The following FBXW8 variants were observed in gnomAD, a reference collection of about 807,000 sequenced individuals.
FBXW8 encodes F-box/WD repeat-containing protein 8.
A neutral mutation model predicts 65.3 loss-of-function variants in FBXW8; 57 were observed. That is an observed-to-expected ratio of 0.87 (90% CI 0.71 to 1.09). The LOEUF is 1.09. FBXW8 is among the 50% of genes least tolerant of loss of function. FBXW8 has a pLI of 0.00. For missense variants in FBXW8, 777 were observed against 814.8 expected, an observed-to-expected ratio of 0.95 and a Z score of 0.57; for synonymous variants, 308 against 330.2, an observed-to-expected ratio of 0.93 and a Z score of 0.73.
Position 116,992,761 on chromosome 12 carries a change from GGTGTGTGTGTGT to G in FBXW8, c.1239+3917_1239+3928del, listed in dbSNP as rs59119067. ...TTTTTATGGTTGAGTATTATTCCATGGTGTGTGTGTGTGTGTGTGTGTGTGTGTGTGTGTGTA... is the reference window on the plus strand; with the variant it reads ...TTTTTATGGTTGAGTATTATTCCATGGTGTGTGTGTGTGTGTGTGTGTGTA... On this transcript the variant is annotated intron_variant, in intron 7 of 10. Transcript: ENST00000652555. 1.3e-4 allele frequency among the ~76,000 whole-genome samples: 19 copies of G among 143,644 alleles called. No homozygotes were observed. The East Asian group carries it at 3.1e-3, about 23-fold the overall frequency. 94.2% of individuals were successfully genotyped at this position (143,644 alleles called of 152,430 possible).
At chr12:117,025,129 C>T (rs1474800599) in intron 9 of FBXW8, among the ~76,000 whole-genome samples, 3 of 152,194 alleles carry the variant, frequency 2.0e-5, no homozygotes, top group South Asian at 2.1e-4. Context: ...GGAGACCCTG[C>T]GTTTGAGACA....
chr12:116,970,115 C>T (rs2137402270), intron 5 of FBXW8, among the ~76,000 whole-genome samples: 1 of 152,332 alleles, frequency 6.6e-6, no homozygotes, highest in Non-Finnish European at 1.5e-5. Context: ...TGCTTGCCTG[C>T]CTTTGGCCTC....
intron 2 of FBXW8, among the ~76,000 whole-genome samples, chr12:116,942,215 G>A (rs1882619478): frequency 1.3e-5 from 2 of 150,378 alleles, no homozygotes; most frequent in African/African-American, 4.9e-5. Flanking sequence ...TTTTTGTAGA[G>A]ATGGGGTCTC....
intron 5 of FBXW8, among the ~76,000 whole-genome samples, chr12:116,965,909 C>T (rs1337867545): frequency 6.7e-6 from 1 of 149,614 alleles, no homozygotes; most frequent in Non-Finnish European, 1.5e-5. Context: ...CAGGCGCATG[C>T]CACCATGCCC....
intron 5 of FBXW8, among the ~76,000 whole-genome samples, chr12:116,969,915 C>T (rs1457287338): frequency 6.6e-6 from 1 of 152,054 alleles, no homozygotes; most frequent in Non-Finnish European, 1.5e-5. Context: ...GCCTTGTTTC[C>T]GATTGTCAGC....
intron 4 of FBXW8, among the ~76,000 whole-genome samples, chr12:116,955,024 C>G (rs1592884599): frequency 7.3e-6 from 1 of 136,812 alleles, no homozygotes; most frequent in Non-Finnish European, 1.6e-5. Flanking sequence ...TGTTGACTTT[C>G]CCCTCTTGAA....
chr12:116,948,357 C>T (rs1177884911), intron 3 of FBXW8, among the ~76,000 whole-genome samples: 1 of 152,190 alleles, frequency 6.6e-6, no homozygotes, highest in Non-Finnish European at 1.5e-5. Flanking sequence ...CCCATATCTC[C>T]ACTTGTAGGA....
At chr12:116,949,392 G>T (rs999964308) in intron 3 of FBXW8, 19 of 550,832 alleles carry the variant, frequency 3.4e-5, no homozygotes, top group African/African-American at 7.5e-5. Flanking sequence ...CACACGTCCT[G>T]TGTCCTCGAG....
At chr12:117,012,339 A>G (rs998367471) in intron 8 of FBXW8, among the ~76,000 whole-genome samples, 1 of 152,020 alleles carries the variant, frequency 6.6e-6, no homozygotes, top group African/African-American at 2.4e-5. Flanking sequence ...CAGACTAGTG[A>G]CTTAGAGTTG....
intron 7 of FBXW8, among the ~76,000 whole-genome samples, chr12:116,993,450 T>A (rs1953302440): frequency 6.6e-6 from 1 of 152,166 alleles, no homozygotes; most frequent in Non-Finnish European, 1.5e-5. Flanking sequence ...TAAGGTGGTA[T>A]CTTATTGTGG....
At chr12:116,975,776 A>G (rs938374668) in intron 5 of FBXW8, among the ~76,000 whole-genome samples, 6 of 152,228 alleles carry the variant, frequency 3.9e-5, no homozygotes, top group South Asian at 4.1e-4. Context: ...GGCCTACACA[A>G]TAAATGAGCA....
At chr12:116,996,814 T>C (rs1277115837) in intron 7 of FBXW8, among the ~76,000 whole-genome samples, 1 of 152,176 alleles carries the variant, frequency 6.6e-6, no homozygotes, top group Non-Finnish European at 1.5e-5. Context: ...ATTGAACACA[T>C]GCTGCGTGTG....
rs1879903059 is a variant in FBXW8 at position 116,911,233 on chromosome 12, C to T, written c.196C>T (p.Pro66Ser). 2 of 1,237,886 alleles carry T rather than the reference C, an allele frequency of 1.6e-6. No homozygotes were observed. Among genetic ancestry groups the T allele is most frequent in the African/African-American group, 1.6e-5 (1 of 64,134 alleles). 76.7% of individuals were successfully genotyped at this position (1,237,886 alleles called of 1,614,324 possible). ...GCGTCTCCTGGAGGGCGCGGGGAGGCCCCCGGCGGCGCGGGCGACTCGGGC... is the reference window on the plus strand; with the variant it reads ...GCGTCTCCTGGAGGGCGCGGGGAGGTCCCCGGCGGCGCGGGCGACTCGGGC... Reference protein sequence around the residue: ...AQRLLEGAGRPPAARATRAEG... With the variant: ...AQRLLEGAGRSPAARATRAEG... Residue 66 changes from proline (P) to serine (S), a missense_variant, in exon 1 of 11, where the codon CCC becomes TCC. Physicochemically the swap from Pro to Ser is moderately conservative, Grantham distance 74. Coordinates refer to ENST00000652555, the MANE Select transcript of FBXW8 (RefSeq NM_153348.3).
At chr12:116,981,844 C>G (rs568287375) in intron 5 of FBXW8, among the ~76,000 whole-genome samples, 1 of 152,138 alleles carries the variant, frequency 6.6e-6, no homozygotes, top group African/African-American at 2.4e-5. Flanking sequence ...AAACTCCTGA[C>G]CTCAAGTGAT....
intron 7 of FBXW8, among the ~76,000 whole-genome samples, chr12:116,989,835 T>C (rs1953191171): frequency 6.6e-6 from 1 of 152,218 alleles, no homozygotes; most frequent in Non-Finnish European, 1.5e-5. Context: ...TAACCCTCTT[T>C]ATGCCTCAGT....
At chr12:116,955,800 A>C (rs1883606300) in intron 4 of FBXW8, among the ~76,000 whole-genome samples, 1 of 152,182 alleles carries the variant, frequency 6.6e-6, no homozygotes, top group South Asian at 2.1e-4. Flanking sequence ...TGACATCATG[A>C]GTTCAAAAAA....
chr12:116,927,737 C>T (rs1881438555), intron 1 of FBXW8, among the ~76,000 whole-genome samples: 1 of 152,184 alleles, frequency 6.6e-6, no homozygotes, highest in South Asian at 2.1e-4. Context: ...TGGAAGATAG[C>T]ACCCCTGCTG....
chr12:116,926,543 A>G (rs371418929), intron 1 of FBXW8, among the ~76,000 whole-genome samples: 21 of 152,262 alleles, frequency 1.4e-4, no homozygotes, highest in African/African-American at 2.2e-4. Context: ...AGTGAAGCCA[A>G]TTAGTTGTGG....
chr12:117,001,711 G>A (rs1043469469), intron 7 of FBXW8, among the ~76,000 whole-genome samples: 4 of 152,118 alleles, frequency 2.6e-5, no homozygotes, highest in African/African-American at 9.7e-5. Flanking sequence ...AGGCCTGTTG[G>A]GAGCATGAAG....
Sources: allele counts gnomAD v4.1 joint callset (sites outside exome capture counted in the v4.1 genomes callset), GRCh38; gene constraint gnomAD v4.1.1; transcripts MANE v1.5; gene names NCBI Gene and HGNC (gene_info 2026-07-23, HGNC 2026-07-21).